The following SI variants were observed in gnomAD, a reference collection of about 807,000 sequenced individuals.
SI encodes sucrase-isomaltase, also known as sucrase-isomaltase, intestinal.
A neutral mutation model predicts 253.3 loss-of-function variants in SI; 235 were observed. The observed-to-expected ratio is 0.93, with a 90% confidence interval of 0.83 to 1.03. The LOEUF is 1.03. Ranked by LOEUF, SI falls within the 50% of genes least tolerant of loss-of-function variation. The pLI, the probability that SI is intolerant of heterozygous loss-of-function variation, is 0.00. For synonymous variants in SI, 819 were observed against 712.0 expected (o/e 1.15, Z -2.39); for missense variants, 2,442 against 2,211.1 (o/e 1.10, Z -2.09).
intron 22 of SI, 23 bp from the exon 23 acceptor site, chr3:165,033,467 C>T: frequency 6.6e-7 from 1 of 1,524,458 alleles, no homozygotes; most frequent in South Asian, 1.3e-5. Flanking sequence ...ATATCGTGAT[C>T]AGTACAAAAT....
At chr3:165,075,800 C>T (rs1249774467) in intron 2 of SI, 95 bp downstream of exon 2, 2 of 798,680 alleles carry the variant, frequency 2.5e-6, no homozygotes, top group South Asian at 1.5e-5. Context: ...AGTGTTTCAT[C>T]TTACACAGAT....
In SI at chr3:165,046,067, G is replaced by A. The variant is rs149120743; in HGVS notation, c.1887+774C>T. 3.2e-4 allele frequency among the ~76,000 whole-genome samples: 49 copies of A among 151,988 alleles called. 1 individual carries two copies. The highest frequency in any genetic ancestry group is 1.2e-3 in the African/African-American group (48 of 41,492). On this transcript the variant is annotated intron_variant, in intron 16 of 47. Transcript: ENST00000264382. Reference sequence around the variant, plus strand: ...GCTGGTCTCAAACTCCTGACCTCAAGTGATCCACCTACCTCGGCTTCTCAA... The same window carrying A: ...GCTGGTCTCAAACTCCTGACCTCAAATGATCCACCTACCTCGGCTTCTCAA...
chr3:165,046,917 T>C lies in SI; in HGVS notation c.1811A>G (p.Asp604Gly). ...CATTTGTTCCCATGAAGCAGTATTG[T>C]CTCCTAACCAATGCGCAGCATGTCT... Reference protein sequence around the residue: ...SGRHAAHWLGDNTASWEQMEW... With the variant: ...SGRHAAHWLGGNTASWEQMEW... The change falls in exon 16 of 48, where the codon GAC (aspartate) becomes GGC (glycine). Residue 604 changes from aspartate to glycine, a missense_variant. Coordinates refer to ENST00000264382, the MANE Select transcript of SI (RefSeq NM_001041.4). 1 of 1,613,144 alleles carries C rather than the reference T, an allele frequency of 6.2e-7. No individual in the cohort carries two copies. Among genetic ancestry groups the C allele is most frequent in the Non-Finnish European group, 8.5e-7 (1 of 1,179,448 alleles).
intron 2 of SI, among the ~76,000 whole-genome samples, chr3:165,075,325 T>C (rs959835746): frequency 2.0e-5 from 3 of 151,952 alleles, no homozygotes; most frequent in African/African-American, 7.2e-5. Flanking sequence ...CAATACTGAT[T>C]TGCTCAAGAG....
At chr3:164,984,996 T>C (rs1007707032) in intron 45 of SI, among the ~76,000 whole-genome samples, 10 of 152,166 alleles carry the variant, frequency 6.6e-5, no homozygotes, top group African/African-American at 2.2e-4. Flanking sequence ...CCAAATATAC[T>C]GATATTGTGA....
At chr3:165,062,315 G>T in intron 9 of SI, 56 bp downstream of exon 9, 2 of 843,558 alleles carry the variant, frequency 2.4e-6, no homozygotes, top group Non-Finnish European at 2.1e-6. Flanking sequence ...ATGTGGTCAT[G>T]TTAGATGAAA....
rs573820384 is a variant in SI, at chr3:165,037,835, T to C, written c.2426+65A>G. On this transcript the variant is annotated intron_variant, in intron 21 of 47. Coordinates refer to ENST00000264382, the MANE Select transcript of SI (RefSeq NM_001041.4). ...ACTAAATATTATCTCTAATTCTTAA[T>C]GCAAATATGAAATATTAAGATTTGA... 1.9e-3 allele frequency: 2,208 copies of C among 1,160,502 alleles called. 5 individuals are homozygous for C. The highest frequency in any genetic ancestry group is 2.6e-3 in the Admixed American group (134 of 50,706). The allele number at this position is 1,160,502 out of a possible 1,614,324, so 71.9% of individuals were successfully genotyped here. A position where few individuals can be genotyped will look rare whatever the true frequency, so the allele number is the denominator to read the frequency against.
chr3:165,063,363 T>C (rs1714071865), intron 8 of SI, 79 bp downstream of exon 8: 3 of 720,338 alleles, frequency 4.2e-6, no homozygotes, highest in Non-Finnish European at 7.6e-6. Context: ...ACATACAATA[T>C]GAATGATTGA....
the SI span, among the ~76,000 whole-genome samples, chr3:165,088,648 T>A: frequency 7.9e-5 from 12 of 151,570 alleles, no homozygotes; most frequent in Admixed American, 2.0e-4. Context: ...TCTCAAAAAA[T>A]AAATAAATAA....
At position 165,075,848 on chromosome 3, in the gene SI, C is replaced by T. The variant is rs746850361; in HGVS notation, c.118+47G>A. 6 of 1,117,784 alleles carry T rather than the reference C, an allele frequency of 5.4e-6. No homozygotes were observed. In the African/African-American group the frequency reaches 6.1e-5, roughly 11 times the overall value. The allele number at this position is 1,117,784 out of a possible 1,614,324, so 69.2% of individuals were successfully genotyped here. ...CCTATAACTATTGTGGAGTAACTTC[C>T]TCCTAACTTCACGATAATGTAGCCA... On this transcript the variant is annotated intron_variant, in intron 2 of 47. Coordinates refer to ENST00000264382, the MANE Select transcript of SI (RefSeq NM_001041.4).
chr3:165,031,389 G>A (rs1308818022), intron 24 of SI, among the ~76,000 whole-genome samples: 1 of 147,612 alleles, frequency 6.8e-6, no homozygotes, highest in Non-Finnish European at 1.5e-5. Context: ...CATAAAAGTG[G>A]ACATACAAAT....
intron 33 of SI, 34 bp downstream of exon 33, chr3:165,015,089 G>C: frequency 6.9e-7 from 1 of 1,449,724 alleles, no homozygotes; most frequent in Non-Finnish European, 9.7e-7. Flanking sequence ...TATAATTTTT[G>C]TATTTATTCT....
intron 44 of SI, among the ~76,000 whole-genome samples, chr3:164,989,389 G>GAAGA (rs1184335609): frequency 0.02 from 1,212 of 59,432 alleles, 14 homozygotes; most frequent in Middle Eastern, 0.05. Context: ...AGAAAGAAAG[G>GAAGA]AAGAAAGAAA....
At chr3:165,074,802 TA>T (rs1430415311) in intron 2 of SI, 135 bp from the exon 3 acceptor site, 1 of 700,564 alleles carries the variant, frequency 1.4e-6, no homozygotes. Context: ...ATTTTGCATT[TA>T]AAAAGACCCA....
At chr3:164,987,047 C>T in intron 45 of SI, 91 bp downstream of exon 45, 1 of 1,008,620 alleles carries the variant, frequency 9.9e-7, no homozygotes, top group Non-Finnish European at 1.6e-6. Flanking sequence ...TAGCTTTGTA[C>T]TCAGCTTCCA....
At chr3:165,028,165 C>A (rs376824117) in intron 25 of SI, among the ~76,000 whole-genome samples, 5 of 151,278 alleles carry the variant, frequency 3.3e-5, no homozygotes, top group East Asian at 1.9e-4. Flanking sequence ...AGAATCAAAT[C>A]AAAAACTCAA....
chr3:165,081,862 A>T (rs1469198539), upstream of SI, among the ~76,000 whole-genome samples: 3 of 151,930 alleles, frequency 2.0e-5, no homozygotes. Flanking sequence ...GATACAAAAG[A>T]TTTTAGAAGA....
rs1713172748 is a variant in SI, at chr3:165,047,275, A to G, written c.1716-263T>C. ...CTCATGAGATCTGACGGTTTTAAAGAAATAGGAGTTTCCCTGAACAAGCTC... is the reference window on the plus strand; with the variant it reads ...CTCATGAGATCTGACGGTTTTAAAGGAATAGGAGTTTCCCTGAACAAGCTC... On this transcript the variant is annotated intron_variant, in intron 15 of 47. Coordinates refer to ENST00000264382, the MANE Select transcript of SI (RefSeq NM_001041.4). Among the ~76,000 whole-genome samples the G allele has an allele frequency of 2.0e-5, 3 of 152,116 alleles. 1 individual carries two copies. Among genetic ancestry groups the G allele is most frequent in the South Asian group, 4.1e-4 (2 of 4,820 alleles).
chr3:165,044,354 C>T lies in SI; in HGVS notation c.1888-1179G>A, dbSNP rs367588720. Among the ~76,000 whole-genome samples, 5 of 151,986 alleles carry T rather than the reference C, an allele frequency of 3.3e-5. No homozygotes were observed. In the East Asian group the frequency reaches 5.8e-4, roughly 18 times the overall value. ...TTACTTATAATGTGCATTGTATAAT[C>T]GGAACTGTTTGTAACCATTTGCAAG... On this transcript the variant is annotated intron_variant, in intron 16 of 47. Transcript: ENST00000264382.
Sources: gnomAD v4.1 joint callset for allele counts (sites outside exome capture counted in the v4.1 genomes callset) on GRCh38, gnomAD v4.1.1 for gene constraint, MANE v1.5 for transcripts, NCBI Gene and HGNC (gene_info 2026-07-23, HGNC 2026-07-21) for gene names.